Variants in TPD52L1 observed in about 807,000 individuals in gnomAD.
TPD52L1 encodes the protein TPD52 like 1, also known as tumor protein D53.
A neutral mutation model predicts 28.7 loss-of-function variants in TPD52L1; 18 were observed. That is an observed-to-expected ratio of 0.63 (90% CI 0.43 to 0.93). The LOEUF (loss-of-function observed/expected upper bound fraction) is 0.93, where lower values mean the gene tolerates loss of function less well. TPD52L1 is among the 40% of genes least tolerant of loss of function. The pLI is 0.00. For synonymous variants in TPD52L1, 75 were observed against 88.8 expected (o/e 0.84, Z 0.88); for missense variants, 203 against 254.8 (o/e 0.80, Z 1.39).
rs191872720 is a variant in TPD52L1 at position 125,171,610 on chromosome 6, A to G, written c.19+17640A>G. The stretch of plus-strand genomic sequence containing the variant: ...AGAAACTGGGTGTCTTTTAGGACAT[A>G]AGGAAGGCAACAAAAACCTGGTTCT... On this transcript the variant is annotated intron_variant, in intron 1 of 6. Coordinates refer to ENST00000534000, the MANE Select transcript of TPD52L1 (RefSeq NM_003287.4). 5.3e-5 allele frequency among the ~76,000 whole-genome samples: 8 copies of G among 152,298 alleles called. No individual in the cohort carries two copies. In the East Asian group the frequency reaches 1.5e-3, roughly 29 times the overall value.
intron 1 of TPD52L1, among the ~76,000 whole-genome samples, chr6:125,213,018 G>T (rs766618609): frequency 3.3e-5 from 5 of 151,940 alleles, no homozygotes; most frequent in South Asian, 2.1e-4. Flanking sequence ...ATATTTTATT[G>T]CATGTAAAAG....
chr6:125,183,764 T>G (rs1792387070), intron 1 of TPD52L1, among the ~76,000 whole-genome samples: 1 of 152,212 alleles, frequency 6.6e-6, no homozygotes. Context: ...GCAACCTTTT[T>G]TCCGCAAAGT....
chr6:125,254,624 T>A (rs1314676598), intron 5 of TPD52L1, among the ~76,000 whole-genome samples: 1 of 152,168 alleles, frequency 6.6e-6, no homozygotes, highest in Non-Finnish European at 1.5e-5. Context: ...TTGATGTTGT[T>A]GTTTGAAGGC....
intron 1 of TPD52L1, among the ~76,000 whole-genome samples, chr6:125,164,506 G>A (rs3799779): frequency 0.39 from 59,766 of 151,872 alleles, 12,962 homozygotes; most frequent in African/African-American, 0.59. Context: ...AGTCATCTCA[G>A]GACTTTAAAA....
intron 2 of TPD52L1, among the ~76,000 whole-genome samples, chr6:125,221,407 T>A (rs1318337252): frequency 1.3e-5 from 2 of 152,154 alleles, no homozygotes; most frequent in Non-Finnish European, 2.9e-5. Context: ...AACTGCAGGG[T>A]CCAAATGTCA....
intron 1 of TPD52L1, among the ~76,000 whole-genome samples, chr6:125,210,207 A>G (rs1297311908): frequency 2.0e-5 from 3 of 152,330 alleles, no homozygotes; most frequent in African/African-American, 7.2e-5. Context: ...TAGATTCTTA[A>G]TAAGTGTTCG....
chr6:125,170,813 T>C (rs1325894540), intron 1 of TPD52L1, among the ~76,000 whole-genome samples: 1 of 152,174 alleles, frequency 6.6e-6, no homozygotes, highest in Non-Finnish European at 1.5e-5. Flanking sequence ...TTTAGCCCTC[T>C]TCTAGCTGAG....
At chr6:125,223,922 T>G (rs1244539805) in intron 2 of TPD52L1, among the ~76,000 whole-genome samples, 3 of 152,174 alleles carry the variant, frequency 2.0e-5, no homozygotes. Context: ...ATATTTATAT[T>G]TGTAAATTCC....
chr6:125,260,982 A>G lies in TPD52L1; in HGVS notation c.487-1852A>G, dbSNP rs1454995405. ...AAAGAAAGAAAGAAAGAAAGAAAAG[A>G]AAAGAAAGAAAGAAAGAAAGAAAGA... is the stretch of plus-strand genomic sequence containing the variant. On this transcript the variant is annotated intron_variant, in intron 6 of 6. Coordinates refer to ENST00000534000, the MANE Select transcript of TPD52L1 (RefSeq NM_003287.4). The G allele has an allele frequency of 1.3e-3, 60 of 44,746 alleles. 2 individuals are homozygous for G. Among genetic ancestry groups the G allele is most frequent in the African/African-American group, 0.011 (57 of 5,316 alleles). 2.8% of individuals were successfully genotyped at this position (44,746 alleles called of 1,614,324 possible).
At chr6:125,197,100 A>G (rs1562264134) in intron 1 of TPD52L1, among the ~76,000 whole-genome samples, 1 of 152,184 alleles carries the variant, frequency 6.6e-6, no homozygotes. Flanking sequence ...GTATCCCCTA[A>G]AACAGACTCA....
chr6:125,237,205 G>A (rs73771296), intron 3 of TPD52L1, among the ~76,000 whole-genome samples: 2,299 of 152,226 alleles, frequency 0.015, 51 homozygotes, highest in African/African-American at 0.052. Flanking sequence ...GCAAGGTTTT[G>A]AGCAGAGACC....
rs537914807 is a variant in TPD52L1, at chr6:125,182,681, C to T, written c.19+28711C>T. ...TTGATTAGCTGTCAGATACCATTCT[C>T]CCTACAGTTTCTTGGCCTCCCAGCC... On this transcript the variant is annotated intron_variant, in intron 1 of 6. Transcript: ENST00000534000. Among the ~76,000 whole-genome samples the T allele has an allele frequency of 6.6e-5, 10 of 152,296 alleles. No homozygotes were observed. The South Asian group carries it at 1.2e-3, about 19-fold the overall frequency.
intron 3 of TPD52L1, among the ~76,000 whole-genome samples, chr6:125,244,892 C>T (rs933392682): frequency 6.6e-6 from 1 of 152,192 alleles, no homozygotes; most frequent in African/African-American, 2.4e-5. Context: ...CTGCTGTTCA[C>T]ATTCTTTTGT....
intron 1 of TPD52L1, among the ~76,000 whole-genome samples, chr6:125,162,686 A>G (rs187832582): frequency 3.9e-5 from 6 of 152,304 alleles, no homozygotes; most frequent in African/African-American, 1.2e-4. Context: ...ATTTCACTCA[A>G]TCTTGGTTTC....
At chr6:125,235,177 A>G (rs1447974327) in intron 3 of TPD52L1, among the ~76,000 whole-genome samples, 2 of 151,474 alleles carry the variant, frequency 1.3e-5, no homozygotes, top group African/African-American at 2.4e-5. Flanking sequence ...TTTTTCCCCA[A>G]GACTCAGGCT....
Position 125,248,525 on chromosome 6 carries a change from T to C in TPD52L1, c.386+142T>C, listed in dbSNP as rs965552599. On this transcript the variant is annotated intron_variant, in intron 4 of 6. Coordinates refer to ENST00000534000, the MANE Select transcript of TPD52L1 (RefSeq NM_003287.4). ...AATGTTATATGGCTGATATGATTGA[T>C]GACTAAGATAAATTTTCACACTGGG... is the stretch of plus-strand genomic sequence containing the variant. 3 of 632,564 alleles carry C rather than the reference T, an allele frequency of 4.7e-6. No homozygotes were observed. In the Admixed American group the frequency reaches 8.5e-5, roughly 18 times the overall value. The allele number at this position is 632,564 out of a possible 1,614,324, so 39.2% of individuals were successfully genotyped here. A position where few individuals can be genotyped will look rare whatever the true frequency, so the allele number is the denominator to read the frequency against.
intron 3 of TPD52L1, among the ~76,000 whole-genome samples, chr6:125,235,101 CAATAATAATAAT>C (rs147249181): frequency 7.0e-6 from 1 of 142,550 alleles, no homozygotes; most frequent in Non-Finnish European, 1.5e-5. Flanking sequence ...CTACAAATAA[CAATAATAATAAT>C]AATAATAATA....
intron 1 of TPD52L1, among the ~76,000 whole-genome samples, chr6:125,218,944 A>G (rs1018314038): frequency 6.6e-6 from 1 of 152,208 alleles, no homozygotes; most frequent in African/African-American, 2.4e-5. Flanking sequence ...GCTTCCTGTT[A>G]ACAGATCCCC....
At chr6:125,212,862 A>G (rs953292092) in intron 1 of TPD52L1, among the ~76,000 whole-genome samples, 1 of 152,250 alleles carries the variant, frequency 6.6e-6, no homozygotes, top group African/African-American at 2.4e-5. Flanking sequence ...CTGTAGGTAT[A>G]GTGAAAACAG....
Sources: gnomAD v4.1 joint callset for allele counts (sites outside exome capture counted in the v4.1 genomes callset) on GRCh38, gnomAD v4.1.1 for gene constraint, MANE v1.5 for transcripts, NCBI Gene and HGNC (gene_info 2026-07-23, HGNC 2026-07-21) for gene names.